Variants in MOV10L1 observed in about 807,000 individuals in gnomAD.
The protein encoded by MOV10L1 is RNA helicase Mov10l1.
Under a neutral mutation model 143.8 loss-of-function variants are expected in MOV10L1, and 110 were observed. The observed-to-expected ratio is 0.76, with a 90% CI of 0.66 to 0.90. The LOEUF (loss-of-function observed/expected upper bound fraction) is 0.90. Ranked by LOEUF, MOV10L1 falls within the 40% of genes least tolerant of loss-of-function variation. The pLI is 0.00. For missense variants in MOV10L1, 1,406 were observed against 1,526.8 expected, an observed-to-expected ratio of 0.92 and a Z score of 1.32; for synonymous variants, 593 against 581.1, an observed-to-expected ratio of 1.02 and a Z score of -0.29.
At chr22:50,148,128 C>G (rs919584232) in intron 19 of MOV10L1, among the ~76,000 whole-genome samples, 1 of 152,218 alleles carries the variant, frequency 6.6e-6, no homozygotes, top group Non-Finnish European at 1.5e-5. Flanking sequence ...AACGTGGGCT[C>G]GGCAGTGAGG....
intron 2 of MOV10L1, among the ~76,000 whole-genome samples, chr22:50,098,362 G>T (rs950560565): frequency 6.7e-6 from 1 of 150,338 alleles, no homozygotes; most frequent in African/African-American, 2.4e-5. Flanking sequence ...CATGAACGCG[G>T]TTGTCTTGCT....
chr22:50,158,530 AGGGGGC>A lies in MOV10L1; in HGVS notation c.3216+325_3216+330del, dbSNP rs2063482859. The A allele has an allele frequency of 3.4e-6, 1 of 290,916 alleles. No individual in the cohort carries two copies. Among genetic ancestry groups the A allele is most frequent in the African/African-American group, 2.2e-5 (1 of 45,240 alleles). The allele number at this position is 290,916 out of a possible 1,614,324, so 18.0% of individuals were successfully genotyped here. On this transcript the variant is annotated intron_variant, in intron 23 of 26. Transcript: ENST00000262794. This position sits in a 1 kb window ranked among gnomAD's most constrained non-coding sequence, Gnocchi z 5.0. ...CCAGCTCTAACCCAGTGTTTCTCAA[AGGGGGC>A]ACTTTGGGTATATTTGAATGGGACG...
At chr22:50,090,792 T>G in intron 1 of MOV10L1, 1 of 396,186 alleles carries the variant, frequency 2.5e-6, no homozygotes, top group South Asian at 2.6e-5. Context: ...TTCTCCTGCC[T>G]CAGCCTCCCG....
Position 50,092,023 on chromosome 22 carries a change from A to G in MOV10L1, c.120A>G (p.Val40=), listed in dbSNP as rs2062458688. 1 of 1,613,970 alleles carries G rather than the reference A, an allele frequency of 6.2e-7. No homozygotes were observed. ...LAEGDTKLKT[V]RGVVTRYCSD... is the part of the protein sequence containing the mutation. Reference sequence around the variant, plus strand: ...CAGGTGACACTAAGCTGAAAACTGTACGGGGTGTCGTGACAAGGTACTGCA... The same window carrying G: ...CAGGTGACACTAAGCTGAAAACTGTGCGGGGTGTCGTGACAAGGTACTGCA... The change falls in exon 2 of 27, where the codon GTA becomes GTG. Residue 40 remains valine, a synonymous_variant. Transcript: ENST00000262794.
intron 3 of MOV10L1, among the ~76,000 whole-genome samples, chr22:50,105,358 T>C (rs2061842067): frequency 6.6e-6 from 1 of 152,234 alleles, no homozygotes. Flanking sequence ...TCTCAGCGTC[T>C]CAGGGCCATT....
chr22:50,153,243 G>A (rs1325399330), intron 22 of MOV10L1, 25 bp downstream of exon 22: 1 of 1,601,288 alleles, frequency 6.2e-7, no homozygotes, highest in Non-Finnish European at 8.5e-7. Flanking sequence ...GAATCCGTAG[G>A]TGACCGTGTC....
At chr22:50,090,222 G>A (rs1312314483) in intron 1 of MOV10L1, 37 bp downstream of exon 1, 3 of 1,411,514 alleles carry the variant, frequency 2.1e-6, no homozygotes, top group East Asian at 2.7e-5. Flanking sequence ...CGGGTCCCGG[G>A]CCCTCGCGTG....
intron 7 of MOV10L1, 144 bp from the exon 8 acceptor site, chr22:50,114,970 C>A: frequency 2.2e-6 from 2 of 900,706 alleles, no homozygotes; most frequent in Non-Finnish European, 3.3e-6. Flanking sequence ...GTTTTTCCAG[C>A]CACCACCTGA....
chr22:50,101,133 G>T (rs989637641), intron 3 of MOV10L1, among the ~76,000 whole-genome samples: 1 of 152,102 alleles, frequency 6.6e-6, no homozygotes, highest in African/African-American at 2.4e-5. Context: ...TTTAAGCTGG[G>T]GGGTGGGAGG....
chr22:50,092,074 G>C lies in MOV10L1; in HGVS notation c.171G>C (p.Met57Ile). The C allele has an allele frequency of 7.4e-6, 12 of 1,614,164 alleles. No individual in the cohort carries two copies. Among genetic ancestry groups the C allele is most frequent in the South Asian group, 1.1e-5 (1 of 91,080 alleles). The change falls in exon 2 of 27, where the codon ATG (methionine) becomes ATC (isoleucine). Residue 57 changes from methionine (M) to isoleucine (I), a missense_variant. Met to Ile is a conservative substitution (Grantham distance 10). Transcript: ENST00000262794. ...YCSDYGMIDD[M>I]IYFSSDAVTS... ...GCGATTATGGCATGATTGATGATAT[G>C]ATCTACTTCTCCAGTGATGCTGTGA...
rs1339309082 is a variant in MOV10L1 at position 50,159,437 on chromosome 22, T to C, written c.3217-241T>C. Among the ~76,000 whole-genome samples, 1 of 151,770 alleles carries C rather than the reference T, an allele frequency of 6.6e-6. No individual in the cohort carries two copies. The highest frequency in any genetic ancestry group is 1.5e-5 in the Non-Finnish European group (1 of 67,926). On this transcript the variant is annotated intron_variant, in intron 23 of 26. Transcript: ENST00000262794. The surrounding 1 kb of genome is among the most constrained non-coding windows in gnomAD (Gnocchi z 4.1). ...CAATATGGTGAAACCCTCTCTCTAC[T>C]AAAAAATACAAAAAATTACCCGGGT... is the stretch of plus-strand genomic sequence containing the variant.
chr22:50,113,000 C>T (rs138230467), intron 5 of MOV10L1, among the ~76,000 whole-genome samples: 2 of 152,246 alleles, frequency 1.3e-5, no homozygotes, highest in Admixed American at 6.5e-5. Context: ...AGAAGTGTGG[C>T]GAGCCATTCT....
chr22:50,125,475 G>T lies in MOV10L1; in HGVS notation c.1653G>T (p.Glu551Asp), dbSNP rs752274663. ...TTTATGCAGAAATGGAACTGAAAGA[G>T]TATAACATGAGCGGGATCATCTTAA... ...EEIYAEMELK[E>D]YNMSGIILRR... The change falls in exon 11 of 27, where the codon GAG becomes GAT. Residue 551 changes from glutamate (E) to aspartate (D), a missense_variant. By Grantham distance (45) the Glu-to-Asp change is conservative. Around this residue, in one of 3 missense-constraint regions of MOV10L1, gnomAD observed 1,233 missense variants for 1,351.4 expected, o/e 0.91. Transcript: ENST00000262794. The T allele has an allele frequency of 1.2e-6, 2 of 1,614,244 alleles. No homozygotes were observed. Among genetic ancestry groups the T allele is most frequent in the Admixed American group, 3.3e-5 (2 of 60,030 alleles).
chr22:50,151,581 C>T (rs1489523021), intron 21 of MOV10L1, among the ~76,000 whole-genome samples: 1 of 152,186 alleles, frequency 6.6e-6, no homozygotes, highest in Non-Finnish European at 1.5e-5. Context: ...AAGACAGGAC[C>T]GGCTGTGCCA....
intron 15 of MOV10L1, among the ~76,000 whole-genome samples, chr22:50,137,659 C>G (rs2062856214): frequency 6.6e-6 from 1 of 151,514 alleles, no homozygotes; most frequent in African/African-American, 2.4e-5. Context: ...GAGCCAAGAT[C>G]ATGCCACTGC....
intron 10 of MOV10L1, among the ~76,000 whole-genome samples, chr22:50,121,081 T>C (rs556757412): frequency 6.6e-6 from 1 of 152,174 alleles, no homozygotes; most frequent in South Asian, 2.1e-4. Context: ...AGAAGAAAAG[T>C]TCAAGAAGGA....
chr22:50,098,352 C>T (rs2062650525), intron 2 of MOV10L1, among the ~76,000 whole-genome samples: 1 of 151,118 alleles, frequency 6.6e-6, no homozygotes, highest in Admixed American at 6.6e-5. Flanking sequence ...TTTTCCAATT[C>T]ATGAACGCGG....
chr22:50,110,279 C>A (rs11703611), intron 5 of MOV10L1, among the ~76,000 whole-genome samples: 34,041 of 151,742 alleles, frequency 0.22, 4,165 homozygotes, highest in Admixed American at 0.35. Context: ...GAAACCCCAT[C>A]TCTACTAAAA....
At chr22:50,132,571 A>G (rs2062707467) in intron 13 of MOV10L1, among the ~76,000 whole-genome samples, 2 of 152,360 alleles carry the variant, frequency 1.3e-5, no homozygotes, top group African/African-American at 4.8e-5. Context: ...TGGCTGTTAT[A>G]AACAGTAAAT....
Sources: gnomAD v4.1 joint callset for allele counts (sites outside exome capture counted in the v4.1 genomes callset) on GRCh38, gnomAD v4.1.1 for gene constraint, gnomAD v4.1.1 regional missense constraint, Gnocchi (gnomAD v3.1) non-coding constraint, MANE v1.5 for transcripts, NCBI Gene and HGNC (gene_info 2026-07-23, HGNC 2026-07-21) for gene names.